SELENOF: variants seen among roughly 807,000 people sequenced by gnomAD.
SELENOF encodes the protein 15 kDa selenoprotein.
A neutral mutation model predicts 20.5 loss-of-function variants in SELENOF; 16 were observed. The observed-to-expected ratio is 0.78, with a 90% CI of 0.53 to 1.19. The LOEUF (loss-of-function observed/expected upper bound fraction) is 1.19. SELENOF is among the 50% of genes most tolerant of loss of function. SELENOF has a pLI of 0.00. For synonymous variants in SELENOF, 78 were observed against 74.5 expected (o/e 1.05, Z -0.24); for missense variants, 215 against 194.2 (o/e 1.11, Z -0.64).
intron 2 of SELENOF, among the ~76,000 whole-genome samples, chr1:86,894,534 T>A (rs1263873114): frequency 6.6e-6 from 1 of 152,164 alleles, no homozygotes; most frequent in African/African-American, 2.4e-5. Context: ...AGGTTTGTCA[T>A]AGAAAATTGA....
At chr1:86,911,818 C>T (rs1659991421) in intron 1 of SELENOF, among the ~76,000 whole-genome samples, 2 of 148,464 alleles carry the variant, frequency 1.3e-5, no homozygotes, top group African/African-American at 5.0e-5. Context: ...GAGTCCTGCT[C>T]TGTTACCCAG....
intron 2 of SELENOF, 56 bp downstream of exon 2, chr1:86,903,225 T>G: frequency 1.4e-6 from 2 of 1,479,814 alleles, no homozygotes; most frequent in Non-Finnish European, 1.8e-6. Flanking sequence ...CAACTTACAT[T>G]TTTACCTTAT....
In SELENOF at chr1:86,880,699, A is replaced by G; in HGVS notation, c.279T>C (p.Val93=). Residue 93 remains valine, a synonymous_variant, in exon 3 of 5, where the codon GTT becomes GTC. Transcript: ENST00000331835. ...KKLYAGAILE[V]CGUKLGRFPQ... ...GGAACCTTCCCAATTTTCATCCACA[A>G]ACTTCAAGAATAGCTCCTGCATACA... 1 of 1,596,142 alleles carries G rather than the reference A, an allele frequency of 6.3e-7. No homozygotes were observed. The highest frequency in any genetic ancestry group is 8.5e-7 in the Non-Finnish European group (1 of 1,170,462).
intron 1 of SELENOF, among the ~76,000 whole-genome samples, chr1:86,904,953 G>A (rs1300113064): frequency 1.3e-5 from 2 of 152,104 alleles, no homozygotes; most frequent in South Asian, 2.1e-4. Flanking sequence ...AAACTCTCAA[G>A]TATTTTTCTT....
intron 1 of SELENOF, among the ~76,000 whole-genome samples, chr1:86,909,124 T>C (rs868242617): frequency 1.3e-5 from 2 of 152,296 alleles, no homozygotes; most frequent in South Asian, 2.1e-4. Flanking sequence ...TGTTCCCTCA[T>C]CCCCCTTTAA....
chr1:86,865,734 T>C (rs553071552), intron 4 of SELENOF, among the ~76,000 whole-genome samples: 67 of 152,230 alleles, frequency 4.4e-4, no homozygotes, highest in African/African-American at 1.4e-3. Flanking sequence ...AAATTAAAAA[T>C]AGAATTACCA....
intron 1 of SELENOF, among the ~76,000 whole-genome samples, chr1:86,905,434 C>T (rs1475378216): frequency 6.6e-6 from 1 of 152,112 alleles, no homozygotes; most frequent in Non-Finnish European, 1.5e-5. Context: ...TTTCAAGAAT[C>T]TAATCAGTAT....
intron 3 of SELENOF, among the ~76,000 whole-genome samples, chr1:86,880,189 G>A (rs1659030451): frequency 6.6e-6 from 1 of 151,122 alleles, no homozygotes; most frequent in African/African-American, 2.4e-5. Flanking sequence ...AGGCTGGAGT[G>A]CAGTGGCGTG....
At chr1:86,868,032 T>A (rs1441078371) in intron 4 of SELENOF, 21 bp downstream of exon 4, 1 of 1,199,180 alleles carries the variant, frequency 8.3e-7, no homozygotes, top group South Asian at 2.0e-5. Context: ...AAAAAAGAGA[T>A]CTCCACTACA....
chr1:86,907,061 G>C (rs1019704314), intron 1 of SELENOF, among the ~76,000 whole-genome samples: 10 of 152,188 alleles, frequency 6.6e-5, no homozygotes, highest in African/African-American at 2.4e-4. Context: ...CTGACAGGTA[G>C]CATGACTATG....
intron 2 of SELENOF, among the ~76,000 whole-genome samples, chr1:86,883,596 G>A (rs527275407): frequency 1.3e-5 from 2 of 151,940 alleles, no homozygotes; most frequent in Admixed American, 1.3e-4. Flanking sequence ...ATTTAGATTT[G>A]GTTATTAGAT....
At chr1:86,893,281 T>C (rs1454725152) in intron 2 of SELENOF, among the ~76,000 whole-genome samples, 1 of 152,022 alleles carries the variant, frequency 6.6e-6, no homozygotes, top group Non-Finnish European at 1.5e-5. Flanking sequence ...GCTAGCTCAA[T>C]CACAAAGTCA....
At chr1:86,874,336 T>C (rs958992580) in intron 3 of SELENOF, among the ~76,000 whole-genome samples, 1 of 152,196 alleles carries the variant, frequency 6.6e-6, no homozygotes, top group African/African-American at 2.4e-5. Flanking sequence ...TATGTCAATT[T>C]AATTATTTGT....
chr1:86,913,995 C>T, intron 1 of SELENOF, 33 bp downstream of exon 1: 2 of 1,580,926 alleles, frequency 1.3e-6, no homozygotes, highest in Non-Finnish European at 1.7e-6. Context: ...TCCTACTCTC[C>T]CTGTGGCAGC....
intron 1 of SELENOF, among the ~76,000 whole-genome samples, chr1:86,911,736 C>T (rs1242639815): frequency 1.3e-5 from 2 of 150,870 alleles, no homozygotes; most frequent in Non-Finnish European, 2.9e-5. Context: ...AAGGCTTTAA[C>T]GACTAATTGA....
intron 3 of SELENOF, among the ~76,000 whole-genome samples, 153 bp from the exon 4 acceptor site, chr1:86,868,255 G>C (rs1342287851): frequency 1.3e-5 from 2 of 152,122 alleles, no homozygotes; most frequent in African/African-American, 2.4e-5. Flanking sequence ...TAAATGGAGA[G>C]ACATACCATA....
At chr1:86,873,697 A>G (rs1165684968) in intron 3 of SELENOF, among the ~76,000 whole-genome samples, 1 of 151,934 alleles carries the variant, frequency 6.6e-6, no homozygotes, top group Non-Finnish European at 1.5e-5. Context: ...CAAAAAATAC[A>G]AAAAATTAGC....
Position 86,866,366 on chromosome 1 carries a change from A to G in SELENOF, c.366+1687T>C, listed in dbSNP as rs145512304. 2.6e-5 allele frequency among the ~76,000 whole-genome samples: 4 copies of G among 151,492 alleles called. No homozygotes were observed. The South Asian group carries it at 8.4e-4, about 32-fold the overall frequency. ...TAAATCAGTCACAAGGACAAATACT[A>G]TATGATTCCACTCATAGTAAGTATC... is the stretch of plus-strand genomic sequence containing the variant. On this transcript the variant is annotated intron_variant, in intron 4 of 4. Coordinates refer to ENST00000331835, the MANE Select transcript of SELENOF (RefSeq NM_004261.5).
chr1:86,897,749 A>C (rs560995439), intron 2 of SELENOF, among the ~76,000 whole-genome samples: 8 of 152,334 alleles, frequency 5.3e-5, no homozygotes, highest in African/African-American at 9.6e-5. Flanking sequence ...ATTTCAAAAA[A>C]ATTTTTTGAA....
Sources: allele counts gnomAD v4.1 joint callset (sites outside exome capture counted in the v4.1 genomes callset), GRCh38; gene constraint gnomAD v4.1.1; transcripts MANE v1.5; gene names NCBI Gene and HGNC (gene_info 2026-07-23, HGNC 2026-07-21).